MICU3: variants seen among roughly 807,000 people sequenced by gnomAD.
The protein encoded by MICU3 is mitochondrial calcium uptake 3, also known as calcium uptake protein 3, mitochondrial.
Under a neutral mutation model 66.5 loss-of-function variants are expected in MICU3, and 62 were observed. That is an observed-to-expected ratio of 0.93 (90% CI 0.76 to 1.15). The LOEUF is 1.15. Ranked by LOEUF, MICU3 falls within the 50% of genes most tolerant of loss-of-function variation. The pLI is 0.00. For missense variants in MICU3, 779 were observed against 664.4 expected (o/e 1.17, Z -1.90); for synonymous variants, 308 against 240.7 (o/e 1.28, Z -2.59).
chr8:17,105,214 C>T (rs757347866), intron 10 of MICU3, among the ~76,000 whole-genome samples, 199 bp from the exon 11 acceptor site: 2 of 151,906 alleles, frequency 1.3e-5, no homozygotes, highest in African/African-American at 4.8e-5. Flanking sequence ...GTTATTTGCC[C>T]TGGGTGCTAC....
Position 17,030,061 on chromosome 8 carries a change from T to TGTGTTCTCTGTTGTTGATGA in MICU3, c.381+2404_381+2423dup, listed in dbSNP as rs1432006592. 3.9e-5 allele frequency among the ~76,000 whole-genome samples: 6 copies of TGTGTTCTCTGTTGTTGATGA among 152,230 alleles called. No individual in the cohort carries two copies. The South Asian group carries it at 1.2e-3, about 31-fold the overall frequency. On this transcript the variant is annotated intron_variant, in intron 1 of 14. Coordinates refer to ENST00000318063, the MANE Select transcript of MICU3 (RefSeq NM_181723.3). ...ACTTTTTTAATTCAAAGAGCGACTT[T>TGTGTTCTCTGTTGTTGATGA]GTGTTCTCTGTTGTTGATGAGTTAT... is the stretch of plus-strand genomic sequence containing the variant.
intron 2 of MICU3, among the ~76,000 whole-genome samples, chr8:17,067,312 C>T (rs543708183): frequency 6.6e-6 from 1 of 152,210 alleles, no homozygotes; most frequent in African/African-American, 2.4e-5. Context: ...ATAAAAATAA[C>T]AGCCTCATGA....
At chr8:17,088,314 C>T (rs1457192426) in intron 7 of MICU3, among the ~76,000 whole-genome samples, 1 of 151,894 alleles carries the variant, frequency 6.6e-6, no homozygotes, top group Non-Finnish European at 1.5e-5. Flanking sequence ...TAGTTCTCTA[C>T]TTAATTCAGG....
Position 17,027,464 on chromosome 8 carries a change from G to C in MICU3, c.185G>C (p.Arg62Pro). The C allele has an allele frequency of 7.7e-7, 1 of 1,292,306 alleles. No homozygotes were observed. The highest frequency in any genetic ancestry group is 9.8e-7 in the Non-Finnish European group (1 of 1,024,864). 80.1% of individuals were successfully genotyped at this position (1,292,306 alleles called of 1,614,324 possible). A position where few individuals can be genotyped will look rare whatever the true frequency, so the allele number is the denominator to read the frequency against. ...AVAEAAWRRR[R>P]RWGELSVAAA... ...GCGGAGGCGGCATGGAGGCGGCGGC[G>C]GCGCTGGGGGGAGCTGAGCGTGGCG... Residue 62 changes from arginine (R) to proline (P), a missense_variant, in exon 1 of 15, where the codon CGG (arginine) becomes CCG (proline). By Grantham distance (103) the Arg-to-Pro change is moderately radical. Coordinates refer to ENST00000318063, the MANE Select transcript of MICU3 (RefSeq NM_181723.3).
the MICU3 span, among the ~76,000 whole-genome samples, chr8:17,133,933 A>ATGTT: frequency 6.6e-6 from 1 of 152,226 alleles, no homozygotes. Flanking sequence ...ACTTTATAAT[A>ATGTT]TGTTAGACTA....
intron 1 of MICU3, among the ~76,000 whole-genome samples, chr8:17,032,097 A>G (rs929670698): frequency 6.6e-6 from 1 of 152,228 alleles, no homozygotes; most frequent in Non-Finnish European, 1.5e-5. Flanking sequence ...TACACTGAGA[A>G]ATGAGTTTAA....
At chr8:17,076,236 T>C (rs1243418990) in intron 3 of MICU3, among the ~76,000 whole-genome samples, 1 of 152,068 alleles carries the variant, frequency 6.6e-6, no homozygotes, top group African/African-American at 2.4e-5. Flanking sequence ...GGTTTTGCCA[T>C]GTTGCCCAGG....
downstream of MICU3, chr8:17,122,662 A>G (rs1803278432): frequency 6.6e-6 from 1 of 151,978 alleles, no homozygotes; most frequent in African/African-American, 2.4e-5. Flanking sequence ...TGGCTTTTAT[A>G]TGTATCTGTG....
chr8:17,116,217 G>A (rs1030832786), intron 12 of MICU3, among the ~76,000 whole-genome samples: 1 of 152,226 alleles, frequency 6.6e-6, no homozygotes, highest in Non-Finnish European at 1.5e-5. Context: ...AACATTCATC[G>A]AATGTGAATG....
chr8:17,081,765 T>A, intron 5 of MICU3, 25 bp downstream of exon 5: 1 of 897,756 alleles, frequency 1.1e-6, no homozygotes, highest in Non-Finnish European at 1.7e-6. Flanking sequence ...TGCTTTTATT[T>A]CTGGATGCAG....
intron 1 of MICU3, among the ~76,000 whole-genome samples, chr8:17,040,455 A>T (rs998548587): frequency 2.0e-5 from 3 of 152,230 alleles, no homozygotes; most frequent in African/African-American, 7.2e-5. Context: ...AGATCAGAAG[A>T]TCACATAAAC....
intron 11 of MICU3, among the ~76,000 whole-genome samples, chr8:17,108,504 A>G (rs1208097076): frequency 1.3e-5 from 2 of 152,136 alleles, no homozygotes; most frequent in African/African-American, 2.4e-5. Flanking sequence ...GTTTCAGTTC[A>G]TAGGACTTCG....
At chr8:17,092,526 T>C (rs1301346152) in intron 8 of MICU3, among the ~76,000 whole-genome samples, 1 of 152,148 alleles carries the variant, frequency 6.6e-6, no homozygotes, top group South Asian at 2.1e-4. Flanking sequence ...AATCAGCTTT[T>C]TCTCATGTAA....
intron 14 of MICU3, among the ~76,000 whole-genome samples, chr8:17,119,513 G>C (rs1034487425): frequency 2.1e-5 from 3 of 144,222 alleles, no homozygotes; most frequent in East Asian, 2.0e-4. Flanking sequence ...GTTTCTTGCT[G>C]TTTTTCTCAA....
the MICU3 span, among the ~76,000 whole-genome samples, chr8:17,128,583 A>G: frequency 6.6e-6 from 1 of 152,206 alleles, no homozygotes; most frequent in African/African-American, 2.4e-5. Context: ...CCTCCATTGG[A>G]GAGCCATGAC....
intron 1 of MICU3, among the ~76,000 whole-genome samples, chr8:17,034,879 C>G (rs1257902354): frequency 6.6e-6 from 1 of 152,186 alleles, no homozygotes; most frequent in African/African-American, 2.4e-5. Context: ...TTGGAATATT[C>G]CATGAGCTTA....
intron 9 of MICU3, among the ~76,000 whole-genome samples, chr8:17,100,426 A>G (rs1166964684): frequency 6.6e-6 from 1 of 151,666 alleles, no homozygotes; most frequent in Non-Finnish European, 1.5e-5. Context: ...ATCTGTTACT[A>G]CCCTCCCACA....
intron 2 of MICU3, among the ~76,000 whole-genome samples, chr8:17,065,508 T>C (rs1818543087): frequency 6.6e-6 from 1 of 152,138 alleles, no homozygotes; most frequent in African/African-American, 2.4e-5. Context: ...ATTTCTGCTC[T>C]TTAAAAGATG....
the MICU3 span, among the ~76,000 whole-genome samples, chr8:17,137,521 TA>T: frequency 0.34 from 46,123 of 133,960 alleles, 8,268 homozygotes; most frequent in Middle Eastern, 0.48. Flanking sequence ...TGCTTTTTTT[TA>T]AAAAAAAAAA....
Sources: gnomAD v4.1 joint callset for allele counts (sites outside exome capture counted in the v4.1 genomes callset) on GRCh38, gnomAD v4.1.1 for gene constraint, MANE v1.5 for transcripts, NCBI Gene and HGNC (gene_info 2026-07-23, HGNC 2026-07-21) for gene names.